Variants in DIP2B observed in about 807,000 individuals in gnomAD.
DIP2B encodes disco-interacting protein 2 homolog B.
In DIP2B, 76 loss-of-function variants were observed where a neutral mutation model predicts 198.0. The ratio of observed to expected loss-of-function variants is 0.38; its 90% CI spans 0.32 to 0.46. DIP2B has a LOEUF of 0.46. Among genes scored for constraint, DIP2B ranks in the 20% least tolerant of loss-of-function variants. The probability of loss-of-function intolerance (pLI) is 0.99; values close to 1 mark genes in which losing one functional copy is unlikely to be tolerated. For missense variants in DIP2B, 1,559 were observed against 1,978.4 expected, an observed-to-expected ratio of 0.79 and a Z score of 4.02; for synonymous variants, 701 against 739.1, an observed-to-expected ratio of 0.95 and a Z score of 0.84.
chr12:50,582,145 G>GT (rs367699036), intron 1 of DIP2B, among the ~76,000 whole-genome samples: 4,351 of 77,232 alleles, frequency 0.056, 140 homozygotes, highest in African/African-American at 0.088. Context: ...CTTTTTTTCT[G>GT]TTTTTTTTTT....
chr12:50,596,217 T>C (rs1324896981), intron 1 of DIP2B, among the ~76,000 whole-genome samples: 1 of 152,214 alleles, frequency 6.6e-6, no homozygotes, highest in African/African-American at 2.4e-5. Flanking sequence ...AGGGATAGAA[T>C]TGTTTTAGAA....
At chr12:50,744,052 A>G (rs1940303067) in intron 37 of DIP2B, among the ~76,000 whole-genome samples, 1 of 152,144 alleles carries the variant, frequency 6.6e-6, no homozygotes, top group Non-Finnish European at 1.5e-5. Flanking sequence ...CCCAGGCTGG[A>G]GTGTAGTGGC....
intron 4 of DIP2B, among the ~76,000 whole-genome samples, chr12:50,670,492 C>T (rs1938833225): frequency 6.6e-6 from 1 of 152,006 alleles, no homozygotes; most frequent in African/African-American, 2.4e-5. Context: ...CGTGGCTCAC[C>T]GAAACCTCTG....
intron 1 of DIP2B, among the ~76,000 whole-genome samples, chr12:50,540,042 G>A (rs1218641109): frequency 1.9e-5 from 1 of 52,152 alleles, no homozygotes; most frequent in Non-Finnish European, 3.8e-5. Flanking sequence ...AGGTAGTTTA[G>A]TTGTTTCTGT....
intron 4 of DIP2B, among the ~76,000 whole-genome samples, chr12:50,664,366 T>C (rs569313391): frequency 6.6e-6 from 1 of 152,374 alleles, no homozygotes; most frequent in South Asian, 2.1e-4. Flanking sequence ...CACTAATTTC[T>C]ATCTTGTGAA....
intron 4 of DIP2B, among the ~76,000 whole-genome samples, chr12:50,667,457 T>C: frequency 6.6e-6 from 1 of 152,220 alleles, no homozygotes; most frequent in East Asian, 1.9e-4. Flanking sequence ...TACAAATTCA[T>C]AACAATTTCC....
At chr12:50,510,730 C>A (rs1317526621) in intron 1 of DIP2B, among the ~76,000 whole-genome samples, 2 of 151,808 alleles carry the variant, frequency 1.3e-5, no homozygotes, top group East Asian at 3.9e-4. Flanking sequence ...ACCGCAACCT[C>A]CACCTCCTGG....
At chr12:50,533,744 C>T (rs1958239250) in intron 1 of DIP2B, among the ~76,000 whole-genome samples, 1 of 151,734 alleles carries the variant, frequency 6.6e-6, no homozygotes, top group African/African-American at 2.4e-5. Flanking sequence ...AAGTGGGCAC[C>T]ATGCTGGCTA....
chr12:50,511,646 A>T (rs531520578), intron 1 of DIP2B, among the ~76,000 whole-genome samples: 67 of 150,644 alleles, frequency 4.4e-4, no homozygotes, highest in Non-Finnish European at 6.9e-4. Context: ...TCTTAAAAAA[A>T]TTTTTTTTAA....
chr12:50,728,993 A>G (rs1190760942), intron 30 of DIP2B, among the ~76,000 whole-genome samples: 1 of 152,218 alleles, frequency 6.6e-6, no homozygotes, highest in Non-Finnish European at 1.5e-5. Flanking sequence ...GAAATATGTC[A>G]TGCTTTGACA....
chr12:50,587,271 A>G (rs2139425529), intron 1 of DIP2B, among the ~76,000 whole-genome samples: 2 of 152,120 alleles, frequency 1.3e-5, no homozygotes, highest in East Asian at 3.9e-4. Flanking sequence ...TCTTCTGTGA[A>G]CCTTTCCCTG....
At chr12:50,648,576 G>C (rs1158596821) in intron 3 of DIP2B, among the ~76,000 whole-genome samples, 1 of 151,702 alleles carries the variant, frequency 6.6e-6, no homozygotes, top group Non-Finnish European at 1.5e-5. Flanking sequence ...TGTTAGCCAG[G>C]ATGGTCTCGA....
chr12:50,662,155 C>T (rs1938660801), intron 4 of DIP2B, among the ~76,000 whole-genome samples: 1 of 152,164 alleles, frequency 6.6e-6, no homozygotes, highest in African/African-American at 2.4e-5. Context: ...ATAATAATTT[C>T]ATGATTCCAA....
chr12:50,742,416 AAAAAAAC>A (rs1940266033), intron 37 of DIP2B, among the ~76,000 whole-genome samples: 8 of 74,624 alleles, frequency 1.1e-4, no homozygotes, highest in Admixed American at 1.3e-4. Context: ...AAAAAAAAAA[AAAAAAAC>A]CACCTCTGTA....
intron 1 of DIP2B, among the ~76,000 whole-genome samples, chr12:50,529,942 C>T (rs1001491621): frequency 4.6e-4 from 70 of 152,234 alleles, no homozygotes; most frequent in African/African-American, 1.0e-3. Context: ...TTGAATTTCA[C>T]GGGAAATTAT....
chr12:50,553,149 T>TCA (rs1485343654), intron 1 of DIP2B, among the ~76,000 whole-genome samples: 2 of 152,230 alleles, frequency 1.3e-5, no homozygotes, highest in African/African-American at 4.8e-5. Context: ...GTTAGTTTTC[T>TCA]ATATGGTGTC....
At position 50,698,454 on chromosome 12, in the gene DIP2B, T is replaced by C; in HGVS notation, c.2175T>C (p.His725=). 1 of 1,613,424 alleles carries C rather than the reference T, an allele frequency of 6.2e-7. No homozygotes were observed. Among genetic ancestry groups the C allele is most frequent in the African/African-American group, 1.3e-5 (1 of 75,038 alleles). The change falls in exon 18 of 38, where the codon CAT becomes CAC. Residue 725 remains histidine, a synonymous_variant. Transcript: ENST00000301180. Reference sequence around the variant, plus strand: ...CACTGACGGTCCAGGATGTAGGGCATGTAATGCCTGGTGGTGAGTCGCAAG... The same window carrying C: ...CACTGACGGTCCAGGATGTAGGGCACGTAATGCCTGGTGGTGAGTCGCAAG... ...NSALTVQDVG[H]VMPGGMMCIV...
In DIP2B at chr12:50,547,280, T is replaced by G. The variant is rs2139381921; in HGVS notation, c.100+42040T>G. 2.0e-5 allele frequency among the ~76,000 whole-genome samples: 3 copies of G among 152,332 alleles called. No individual in the cohort carries two copies. In the Middle Eastern group the frequency reaches 0.01, roughly 518 times the overall value. On this transcript the variant is annotated intron_variant, in intron 1 of 37. Transcript: ENST00000301180. The stretch of plus-strand genomic sequence containing the variant: ...CTGGGAAGTAATTGAATGATGACTG[T>G]ACAACACTAGAGTAATTTAAAAATA...
At chr12:50,560,396 CA>C (rs1243608970) in intron 1 of DIP2B, among the ~76,000 whole-genome samples, 18 of 115,832 alleles carry the variant, frequency 1.6e-4, no homozygotes, top group Admixed American at 3.7e-4. Context: ...ACTCCATCTC[CA>C]AAAAAAAAAA....
Sources: gnomAD v4.1 joint callset for allele counts (sites outside exome capture counted in the v4.1 genomes callset) on GRCh38, gnomAD v4.1.1 for gene constraint, MANE v1.5 for transcripts, NCBI Gene and HGNC (gene_info 2026-07-23, HGNC 2026-07-21) for gene names.